The following ABCD3 variants were observed in gnomAD, a reference collection of about 807,000 sequenced individuals.
ABCD3 encodes the protein ATP-binding cassette sub-family D member 3.
Under a neutral mutation model 105.5 loss-of-function variants are expected in ABCD3, and 41 were observed. The observed-to-expected ratio is 0.39, with a 90% CI of 0.30 to 0.50. The LOEUF is 0.50. Among genes scored for constraint, ABCD3 ranks in the 20% least tolerant of loss-of-function variants. The pLI is 0.84. For synonymous variants in ABCD3, 258 were observed against 269.0 expected (o/e 0.96, Z 0.40); for missense variants, 622 against 806.3 (o/e 0.77, Z 2.77).
chr1:94,512,799 A>G (rs1178406111), intron 21 of ABCD3, among the ~76,000 whole-genome samples: 11 of 152,098 alleles, frequency 7.2e-5, no homozygotes, highest in Admixed American at 7.2e-4. Context: ...GAACAAATGT[A>G]GTATATCCTA....
At chr1:94,512,895 TAAA>T (rs1650750713) in intron 21 of ABCD3, among the ~76,000 whole-genome samples, 1 of 152,024 alleles carries the variant, frequency 6.6e-6, no homozygotes, top group Non-Finnish European at 1.5e-5. Flanking sequence ...TCTCAATAAA[TAAA>T]AAAGGTCATA....
the ABCD3 span, among the ~76,000 whole-genome samples, chr1:94,408,548 T>C: frequency 1.5e-4 from 23 of 151,862 alleles, no homozygotes; most frequent in Non-Finnish European, 2.8e-4. Flanking sequence ...GAGCTGAGAT[T>C]GCGCCACTGC....
intron 16 of ABCD3, among the ~76,000 whole-genome samples, chr1:94,497,390 C>T (rs1216498841): frequency 1.3e-5 from 2 of 152,140 alleles, no homozygotes; most frequent in African/African-American, 4.8e-5. Flanking sequence ...ACAGAAGGCT[C>T]ACCAGCTTAA....
At chr1:94,446,294 C>G (rs1286648756) in intron 1 of ABCD3, among the ~76,000 whole-genome samples, 2 of 152,208 alleles carry the variant, frequency 1.3e-5, no homozygotes, top group Admixed American at 1.3e-4. Context: ...TAGATTTATG[C>G]TGCACAAAAG....
chr1:94,415,007 T>C (rs1658972295), upstream of ABCD3, among the ~76,000 whole-genome samples: 1 of 152,014 alleles, frequency 6.6e-6, no homozygotes, highest in Admixed American at 6.6e-5. Flanking sequence ...GATGGCCCAC[T>C]CCCATGGCTA....
chr1:94,509,122 T>G (rs1650517621), intron 21 of ABCD3, among the ~76,000 whole-genome samples: 1 of 152,152 alleles, frequency 6.6e-6, no homozygotes, highest in African/African-American at 2.4e-5. Context: ...GGCTGTGGGT[T>G]TGTCATAGAT....
At chr1:94,402,978 A>G in the ABCD3 span, among the ~76,000 whole-genome samples, 1 of 108,938 alleles carries the variant, frequency 9.2e-6, no homozygotes, top group Non-Finnish European at 1.7e-5. Flanking sequence ...AACAGTCCCC[A>G]GAGTGTGATG....
At chr1:94,397,371 G>A in the ABCD3 span, among the ~76,000 whole-genome samples, 1 of 152,208 alleles carries the variant, frequency 6.6e-6, no homozygotes, top group East Asian at 1.9e-4. Flanking sequence ...CTCAGCCGCT[G>A]TGACTCCTCA....
At chr1:94,506,464 A>T in intron 20 of ABCD3, 74 bp from the exon 21 acceptor site, 1 of 854,968 alleles carries the variant, frequency 1.2e-6, no homozygotes, top group Non-Finnish European at 2.0e-6. Flanking sequence ...ATGCATATTT[A>T]ACATAAGTTT....
chr1:94,487,755 T>G lies in ABCD3; in HGVS notation c.1029T>G (p.Pro343=), dbSNP rs770154468. The change falls in exon 12 of 23, where the codon CCT becomes CCG. Residue 343 remains proline (P), a synonymous_variant. Coordinates refer to ENST00000370214, the MANE Select transcript of ABCD3 (RefSeq NM_002858.4). ...GCCCTTTCTTAGATTTGTCTCATCC[T>G]CGACATCTCAAGAGTACACATTCGG... ...VSRPFLDLSH[P]RHLKSTHSEL... is the part of the protein sequence containing the mutation. The G allele has an allele frequency of 6.2e-7, 1 of 1,613,926 alleles. No individual in the cohort carries two copies.
At position 94,450,116 on chromosome 1, in the gene ABCD3, C is replaced by T. The variant is rs147876469; in HGVS notation, c.111-8491C>T. Among the ~76,000 whole-genome samples, 195 of 152,320 alleles carry T rather than the reference C, an allele frequency of 1.3e-3. 6 individuals are homozygous for T. The East Asian group carries it at 0.029, about 23-fold the overall frequency. On this transcript the variant is annotated intron_variant, in intron 1 of 22. Coordinates refer to ENST00000370214, the MANE Select transcript of ABCD3 (RefSeq NM_002858.4). ...GAAGGAGCTGCAGACAGATTAGCAG[C>T]TAGTAACCCATTAAAATGGATTAAA...
intron 20 of ABCD3, among the ~76,000 whole-genome samples, chr1:94,505,761 G>A (rs991652296): frequency 3.9e-5 from 6 of 152,050 alleles, no homozygotes; most frequent in African/African-American, 1.4e-4. Flanking sequence ...TAGGTGCATG[G>A]TTTCACTATC....
At chr1:94,402,145 A>G in the ABCD3 span, among the ~76,000 whole-genome samples, 2 of 152,216 alleles carry the variant, frequency 1.3e-5, no homozygotes, top group African/African-American at 4.8e-5. Flanking sequence ...TTTATTGAAG[A>G]GTAATGTTTC....
chr1:94,481,853 A>C (rs1208015001), intron 9 of ABCD3: 1 of 152,202 alleles, frequency 6.6e-6, no homozygotes, highest in African/African-American at 2.4e-5. Flanking sequence ...CAGCAAAGTG[A>C]TTGGCTTAGA....
At chr1:94,506,178 G>A (rs113714743) in intron 20 of ABCD3, among the ~76,000 whole-genome samples, 43 of 152,050 alleles carry the variant, frequency 2.8e-4, no homozygotes, top group African/African-American at 4.1e-4. Context: ...TTTTTGCGTC[G>A]GAGTCATCTA....
chr1:94,389,822 C>T, the ABCD3 span, among the ~76,000 whole-genome samples: 1 of 152,120 alleles, frequency 6.6e-6, no homozygotes, highest in Non-Finnish European at 1.5e-5. Flanking sequence ...ATGGCTGCAG[C>T]GCATATGTCT....
chr1:94,472,113 G>T, intron 4 of ABCD3: 1 of 471,860 alleles, frequency 2.1e-6, no homozygotes, highest in Non-Finnish European at 2.8e-6. Flanking sequence ...TTAAACATTT[G>T]GAAGTTGTAG....
upstream of ABCD3, among the ~76,000 whole-genome samples, chr1:94,415,121 C>T (rs1658974118): frequency 6.6e-6 from 1 of 152,184 alleles, no homozygotes; most frequent in South Asian, 2.1e-4. Context: ...ATCCAAGACA[C>T]CAAGGCAGAA....
intron 19 of ABCD3, 22 bp downstream of exon 19, chr1:94,499,056 A>G: frequency 1.3e-6 from 2 of 1,568,184 alleles, no homozygotes; most frequent in Non-Finnish European, 1.8e-6. Flanking sequence ...TTTATATCCT[A>G]GATCCACTGA....
Sources: allele counts gnomAD v4.1 joint callset (sites outside exome capture counted in the v4.1 genomes callset), GRCh38; gene constraint gnomAD v4.1.1; transcripts MANE v1.5; gene names NCBI Gene and HGNC (gene_info 2026-07-23, HGNC 2026-07-21).